The following APP variants were observed in gnomAD, a reference collection of about 807,000 sequenced individuals.
APP encodes amyloid-beta precursor protein.
A neutral mutation model predicts 101.4 loss-of-function variants in APP; 31 were observed. The ratio of observed to expected loss-of-function variants is 0.31; its 90% CI spans 0.23 to 0.41. The LOEUF (loss-of-function observed/expected upper bound fraction) is 0.41, where lower values mean the gene tolerates loss of function less well. Among genes scored for constraint, APP ranks in the 10% least tolerant of loss-of-function variants. APP has a pLI of 1.00. For synonymous variants in APP, 366 were observed against 364.4 expected (o/e 1.00, Z -0.05); for missense variants, 839 against 1,003.7 (o/e 0.84, Z 2.22).
intron 6 of APP, among the ~76,000 whole-genome samples, chr21:26,016,583 T>C (rs997801391): frequency 6.6e-6 from 1 of 152,070 alleles, no homozygotes; most frequent in Admixed American, 6.5e-5. Context: ...TATTTTATTC[T>C]TTTTTTGAGA....
chr21:26,130,238 C>CA (rs1210281343), intron 1 of APP, among the ~76,000 whole-genome samples: 1 of 152,196 alleles, frequency 6.6e-6, no homozygotes, highest in Non-Finnish European at 1.5e-5. Context: ...ACATGTACTG[C>CA]TTTTTTAAAA....
At position 25,986,857 on chromosome 21, in the gene APP, C is replaced by T. The variant is rs1398002163; in HGVS notation, c.1091-4380G>A. Reference sequence around the variant, plus strand: ...CCATGCTAGGCATGTTCTGTGTTCTCGTTTAATACATGGGAAGAAAAAATT... The same window carrying T: ...CCATGCTAGGCATGTTCTGTGTTCTTGTTTAATACATGGGAAGAAAAAATT... On this transcript the variant is annotated intron_variant, in intron 8 of 17. Transcript: ENST00000346798. Among the ~76,000 whole-genome samples the T allele has an allele frequency of 5.3e-5, 8 of 152,304 alleles. No homozygotes were observed. The South Asian group carries it at 1.0e-3, about 20-fold the overall frequency.
intron 3 of APP, among the ~76,000 whole-genome samples, chr21:26,057,022 A>C (rs2046069531): frequency 6.6e-6 from 1 of 152,190 alleles, no homozygotes; most frequent in South Asian, 2.1e-4. Context: ...TTCTCTTTTT[A>C]ATTAAAAAAT....
chr21:26,083,825 C>T (rs1277792976), intron 3 of APP, among the ~76,000 whole-genome samples: 1 of 152,056 alleles, frequency 6.6e-6, no homozygotes, highest in African/African-American at 2.4e-5. Flanking sequence ...CAAAAGTTAT[C>T]GTTTCTTTTT....
At chr21:26,140,023 C>T (rs1424500057) in intron 1 of APP, 1 of 723,982 alleles carries the variant, frequency 1.4e-6, no homozygotes, top group Admixed American at 2.4e-5. Flanking sequence ...AAATAATTTG[C>T]AAACTTCATC....
chr21:25,925,517 C>A (rs185382534), intron 13 of APP, among the ~76,000 whole-genome samples: 1 of 152,156 alleles, frequency 6.6e-6, no homozygotes, highest in Non-Finnish European at 1.5e-5. Flanking sequence ...TTAATGTGAT[C>A]CCCAGGTGAC....
At chr21:25,975,334 A>G in intron 10 of APP, 106 bp from the exon 11 acceptor site, 6 of 1,440,554 alleles carry the variant, frequency 4.2e-6, no homozygotes, top group Non-Finnish European at 5.8e-6. Context: ...TCTAGTGCTA[A>G]AAAGTATCCT....
chr21:26,039,371 G>A (rs1240050448), intron 5 of APP, among the ~76,000 whole-genome samples: 7 of 152,184 alleles, frequency 4.6e-5, no homozygotes, highest in Non-Finnish European at 1.5e-5. Flanking sequence ...GACCAAATTC[G>A]ACCAACAGCA....
intron 1 of APP, among the ~76,000 whole-genome samples, chr21:26,129,078 T>C (rs2830074): frequency 0.097 from 14,688 of 152,152 alleles, 909 homozygotes; most frequent in Admixed American, 0.15. Flanking sequence ...TGAAGGAGTG[T>C]TTCCAAAGGC....
rs576063074 is a variant in APP at position 25,979,703 on chromosome 21, G to C, written c.1224+2641C>G. On this transcript the variant is annotated intron_variant, in intron 9 of 17. Transcript: ENST00000346798. Reference sequence around the variant, plus strand: ...AAAGTTAAATTATTATTTTAAAGAAGACCTGTCACATCTAAAACTAACAGA... The same window carrying C: ...AAAGTTAAATTATTATTTTAAAGAACACCTGTCACATCTAAAACTAACAGA... 2.6e-4 allele frequency among the ~76,000 whole-genome samples: 40 copies of C among 152,068 alleles called. No homozygotes were observed. The South Asian group carries it at 7.9e-3, about 30-fold the overall frequency.
upstream of APP, chr21:26,170,962 C>T (rs903985921): frequency 3.1e-4 from 70 of 222,776 alleles, 1 homozygote; most frequent in African/African-American, 1.5e-3. Context: ...CGCGCCCCCT[C>T]CGCTCCCCGG....
intron 15 of APP, chr21:25,898,006 T>G: frequency 2.8e-6 from 1 of 362,720 alleles, no homozygotes; most frequent in Non-Finnish European, 5.1e-6. Context: ...TATGTTGGCT[T>G]GGCTTACGGG....
intron 5 of APP, among the ~76,000 whole-genome samples, chr21:26,036,969 GAT>G (rs2045140487): frequency 6.7e-6 from 1 of 149,280 alleles, no homozygotes; most frequent in Admixed American, 6.9e-5. Flanking sequence ...AAGAAAATGT[GAT>G]GTGTGTGTGT....
chr21:26,159,527 T>TC (rs1210074209), intron 1 of APP, among the ~76,000 whole-genome samples: 2 of 152,104 alleles, frequency 1.3e-5, no homozygotes, highest in Non-Finnish European at 2.9e-5. Context: ...CATTAAACCT[T>TC]CCCCCTCATC....
intron 3 of APP, among the ~76,000 whole-genome samples, chr21:26,062,696 T>A (rs2046319731): frequency 1.2e-5 from 1 of 83,754 alleles, no homozygotes; most frequent in African/African-American, 4.4e-5. Flanking sequence ...AAATAAATAT[T>A]TGTTAGCAGT....
chr21:25,966,765 G>A (rs1454370711), intron 11 of APP, among the ~76,000 whole-genome samples: 3 of 152,142 alleles, frequency 2.0e-5, no homozygotes, highest in Non-Finnish European at 4.4e-5. Context: ...AAAAGCTCAA[G>A]TTTAGTACCA....
chr21:25,915,251 T>C (rs2039296061), intron 13 of APP, among the ~76,000 whole-genome samples: 1 of 152,242 alleles, frequency 6.6e-6, no homozygotes, highest in South Asian at 2.1e-4. Context: ...ATTCCTGCTA[T>C]CTTGGAAGCC....
chr21:26,103,647 T>C (rs2062114591), intron 2 of APP, among the ~76,000 whole-genome samples: 1 of 152,050 alleles, frequency 6.6e-6, no homozygotes, highest in African/African-American at 2.4e-5. Context: ...ATAGAAATGG[T>C]CTCTGCAAAA....
At chr21:26,094,073 A>C (rs2061888451) in intron 2 of APP, among the ~76,000 whole-genome samples, 1 of 150,818 alleles carries the variant, frequency 6.6e-6, no homozygotes, top group East Asian at 2.0e-4. Context: ...CTGAGATCAC[A>C]CCACTGCACT....
Sources: allele counts gnomAD v4.1 joint callset (sites outside exome capture counted in the v4.1 genomes callset), GRCh38; gene constraint gnomAD v4.1.1; transcripts MANE v1.5; gene names NCBI Gene and HGNC (gene_info 2026-07-23, HGNC 2026-07-21).